The following PHF20 variants were observed in gnomAD, a reference collection of about 807,000 sequenced individuals.
PHF20 encodes PHD finger protein 20.
PHF20 carries 23 observed loss-of-function variants against 113.5 expected under a neutral mutation model. The observed-to-expected ratio is 0.20, with a 90% CI of 0.15 to 0.29. The LOEUF (loss-of-function observed/expected upper bound fraction) is 0.29. Among genes scored for constraint, PHF20 ranks in the 10% least tolerant of loss-of-function variants. The probability of loss-of-function intolerance (pLI) is 1.00; values close to 1 mark genes in which losing one functional copy is unlikely to be tolerated. For missense variants in PHF20, 943 were observed against 1,219.6 expected, an observed-to-expected ratio of 0.77 and a Z score of 3.38; for synonymous variants, 434 against 457.3, an observed-to-expected ratio of 0.95 and a Z score of 0.65.
At chr20:35,928,869 C>T (rs2055696896) in intron 14 of PHF20, among the ~76,000 whole-genome samples, 1 of 152,158 alleles carries the variant, frequency 6.6e-6, no homozygotes, top group Non-Finnish European at 1.5e-5. Flanking sequence ...AGCCTGTTGC[C>T]ACCCTGAGCA....
Position 35,863,309 on chromosome 20 carries a change from G to T in PHF20, c.717G>T (p.Lys239Asn). 2 of 1,614,080 alleles carry T rather than the reference G, an allele frequency of 1.2e-6. No individual in the cohort carries two copies. The change falls in exon 6 of 18, where the codon AAG becomes AAT. Residue 239 changes from lysine to asparagine, a missense_variant. This residue lies in a region of PHF20 where 592 missense variants were observed against 787.2 expected (regional missense o/e 0.75). Transcript: ENST00000374012. ...ATTCTGGAGATGCCCAAGTGGATAA[G>T]AAACCTGAAAATGACATTGTGAAGA... ...REYSGDAQVD[K>N]KPENDIVKSP... is the part of the protein sequence containing the mutation.
chr20:35,907,899 C>T (rs796329300), intron 10 of PHF20, among the ~76,000 whole-genome samples: 53 of 152,276 alleles, frequency 3.5e-4, no homozygotes, highest in African/African-American at 1.3e-3. Context: ...TTGAAGTCCC[C>T]CACTAAAATT....
chr20:35,882,587 C>T (rs779188135), intron 9 of PHF20, among the ~76,000 whole-genome samples: 1 of 152,188 alleles, frequency 6.6e-6, no homozygotes, highest in Non-Finnish European at 1.5e-5. Context: ...GGCACCAAGC[C>T]TGGCTAATTT....
At chr20:35,873,472 T>TG (rs1236791526) in intron 9 of PHF20, among the ~76,000 whole-genome samples, 7 of 146,728 alleles carry the variant, frequency 4.8e-5, no homozygotes, top group Non-Finnish European at 9.0e-5. Context: ...TTTTGTTTTT[T>TG]TTTTTTTTTT....
At chr20:35,916,144 A>G (rs2147088393) in intron 12 of PHF20, among the ~76,000 whole-genome samples, 1 of 152,326 alleles carries the variant, frequency 6.6e-6, no homozygotes, top group Middle Eastern at 3.4e-3. Flanking sequence ...AAATAAGTAA[A>G]TAAAATAAAA....
chr20:35,881,204 C>T (rs1008742997), intron 9 of PHF20, among the ~76,000 whole-genome samples: 5 of 151,428 alleles, frequency 3.3e-5, no homozygotes, highest in Admixed American at 2.0e-4. Context: ...ATTACAGGCA[C>T]GTGCTACCAT....
chr20:35,773,337 A>G (rs974538842), intron 1 of PHF20, among the ~76,000 whole-genome samples: 2 of 151,956 alleles, frequency 1.3e-5, no homozygotes, highest in Non-Finnish European at 2.9e-5. Flanking sequence ...TTCATTCCTC[A>G]GTTTCCTTCC....
Position 35,871,121 on chromosome 20 carries a change from G to C in PHF20, c.1089G>C (p.Lys363Asn). Residue 363 changes from lysine to asparagine, a missense_variant, in exon 8 of 18, where the codon AAG becomes AAC. Coordinates refer to ENST00000374012, the MANE Select transcript of PHF20 (RefSeq NM_016436.5). Reference sequence around the variant, plus strand: ...TGCAAGACACGTTGTCTAGTACCAAGGAATCTGAAGAAGGTGAGTCAGTCT... The same window carrying C: ...TGCAAGACACGTTGTCTAGTACCAACGAATCTGAAGAAGGTGAGTCAGTCT... ...DPLQDTLSST[K>N]ESEEGQLKSA... The C allele has an allele frequency of 6.2e-7, 1 of 1,608,856 alleles. No homozygotes were observed. The highest frequency in any genetic ancestry group is 1.3e-5 in the African/African-American group (1 of 74,768).
At chr20:35,842,242 G>A (rs2042548791) in intron 2 of PHF20, among the ~76,000 whole-genome samples, 2 of 152,174 alleles carry the variant, frequency 1.3e-5, no homozygotes, top group South Asian at 4.1e-4. Flanking sequence ...CTACTCGGGA[G>A]GCTGAGGCAG....
intron 4 of PHF20, among the ~76,000 whole-genome samples, chr20:35,848,693 A>G (rs1485665472): frequency 6.6e-6 from 1 of 151,818 alleles, no homozygotes; most frequent in Non-Finnish European, 1.5e-5. Flanking sequence ...ACCTCATCTC[A>G]CTATGAAAAA....
chr20:35,820,445 CTT>C (rs369532387), intron 2 of PHF20, among the ~76,000 whole-genome samples: 20 of 129,610 alleles, frequency 1.5e-4, no homozygotes, highest in Admixed American at 4.0e-4. Flanking sequence ...GGAATAAGTA[CTT>C]TTTTTTTTTT....
At chr20:35,918,055 G>GT (rs1489551678) in intron 13 of PHF20, among the ~76,000 whole-genome samples, 1 of 152,156 alleles carries the variant, frequency 6.6e-6, no homozygotes, top group Non-Finnish European at 1.5e-5. Flanking sequence ...AAGATCCAAA[G>GT]TCATGCAGGC....
intron 17 of PHF20, 32 bp from the exon 18 acceptor site, chr20:35,947,453 C>G: frequency 3.1e-6 from 5 of 1,607,768 alleles, no homozygotes; most frequent in Non-Finnish European, 4.3e-6. Flanking sequence ...GTTGGGAGTT[C>G]ACTAGGTCTC....
intron 2 of PHF20, among the ~76,000 whole-genome samples, chr20:35,817,015 C>A (rs995035181): frequency 8.6e-5 from 13 of 151,458 alleles, no homozygotes; most frequent in African/African-American, 2.9e-4. Flanking sequence ...TGGTCTCGAA[C>A]TCCTGATCTC....
chr20:35,817,488 A>G (rs573080119), intron 2 of PHF20, among the ~76,000 whole-genome samples: 91 of 151,508 alleles, frequency 6.0e-4, no homozygotes, highest in African/African-American at 2.1e-3. Flanking sequence ...CGCCAGACCT[A>G]TTTCTGCATT....
Position 35,947,721 on chromosome 20 carries a change from C to T in PHF20, c.*94C>T. ...ATAAATAAACCTAGCATGCTGAATG[C>T]ACGTGACACCGACTGACTTCAGGGA... On this transcript the variant is annotated 3_prime_UTR_variant, in exon 18 of 18. Transcript: ENST00000374012. 3 of 1,277,966 alleles carry T rather than the reference C, an allele frequency of 2.3e-6. No individual in the cohort carries two copies. The highest frequency in any genetic ancestry group is 2.4e-5 in the East Asian group (1 of 41,494). 79.2% of individuals were successfully genotyped at this position (1,277,966 alleles called of 1,614,324 possible).
intron 1 of PHF20, among the ~76,000 whole-genome samples, chr20:35,780,752 T>C (rs1044361995): frequency 4.0e-5 from 6 of 151,486 alleles, no homozygotes; most frequent in African/African-American, 1.5e-4. Flanking sequence ...TTCACCATGT[T>C]GCCCAGGCTG....
intron 3 of PHF20, among the ~76,000 whole-genome samples, chr20:35,843,495 C>T (rs1011520421): frequency 2.0e-5 from 3 of 148,118 alleles, no homozygotes; most frequent in Middle Eastern, 3.2e-3. Context: ...CCACTCCAGC[C>T]CGGGTGACAG....
At chr20:35,911,071 T>C (rs2055291269) in intron 10 of PHF20, among the ~76,000 whole-genome samples, 1 of 150,718 alleles carries the variant, frequency 6.6e-6, no homozygotes, top group Non-Finnish European at 1.5e-5. Context: ...GACGGAGTCT[T>C]GCACTGTCGC....
Sources: gnomAD v4.1 joint callset for allele counts (sites outside exome capture counted in the v4.1 genomes callset) on GRCh38, gnomAD v4.1.1 for gene constraint, gnomAD v4.1.1 regional missense constraint, MANE v1.5 for transcripts, NCBI Gene and HGNC (gene_info 2026-07-23, HGNC 2026-07-21) for gene names.